Variants in FNDC3B observed in about 807,000 individuals in gnomAD.
FNDC3B encodes the protein fibronectin type III domain-containing protein 3B.
FNDC3B carries 12 observed loss-of-function variants against 151.5 expected under a neutral mutation model. That is an observed-to-expected ratio of 0.08 (90% CI 0.05 to 0.13). FNDC3B has a LOEUF of 0.13. Among genes scored for constraint, FNDC3B ranks in the 10% least tolerant of loss-of-function variants. The pLI, the probability that FNDC3B is intolerant of heterozygous loss-of-function variation, is 1.00. For synonymous variants in FNDC3B, 528 were observed against 549.0 expected (o/e 0.96, Z 0.54); for missense variants, 1,214 against 1,505.3 (o/e 0.81, Z 3.20).
chr3:172,109,069 C>T (rs1004391067), intron 1 of FNDC3B, among the ~76,000 whole-genome samples: 8 of 152,148 alleles, frequency 5.3e-5, no homozygotes, highest in African/African-American at 1.9e-4. Flanking sequence ...ATGTAGGCCC[C>T]ATCTAGCTGA....
chr3:172,075,565 T>C (rs948669183), intron 1 of FNDC3B, among the ~76,000 whole-genome samples: 1 of 152,074 alleles, frequency 6.6e-6, no homozygotes, highest in Non-Finnish European at 1.5e-5. Context: ...CCTTCAACTT[T>C]TAGAAGGAAT....
At chr3:172,212,106 T>A (rs973020562) in intron 3 of FNDC3B, among the ~76,000 whole-genome samples, 1 of 152,220 alleles carries the variant, frequency 6.6e-6, no homozygotes, top group Non-Finnish European at 1.5e-5. Context: ...ATTTTGTTGT[T>A]GCCATGGAAG....
chr3:172,360,587 C>G (rs1225936699), intron 22 of FNDC3B, among the ~76,000 whole-genome samples: 1 of 151,838 alleles, frequency 6.6e-6, no homozygotes, highest in East Asian at 1.9e-4. Context: ...ATCTGTGGTC[C>G]CTTTTGAGCA....
chr3:172,131,726 A>G (rs1225873084), intron 2 of FNDC3B, among the ~76,000 whole-genome samples: 1 of 152,258 alleles, frequency 6.6e-6, no homozygotes, highest in African/African-American at 2.4e-5. Flanking sequence ...AAATACATGG[A>G]TATTAAAGAT....
chr3:172,277,346 A>G (rs573863246), intron 6 of FNDC3B, among the ~76,000 whole-genome samples: 1 of 152,250 alleles, frequency 6.6e-6, no homozygotes, highest in Non-Finnish European at 1.5e-5. Flanking sequence ...GGGTGCCAGC[A>G]TATTTGGTGT....
At chr3:172,186,420 T>C (rs1456729836) in intron 3 of FNDC3B, among the ~76,000 whole-genome samples, 2 of 152,182 alleles carry the variant, frequency 1.3e-5, no homozygotes, top group Non-Finnish European at 2.9e-5. Context: ...TAAAGATTTA[T>C]GGTAGGACAC....
chr3:172,231,879 G>GTTTTTTTT (rs33956893), intron 4 of FNDC3B, among the ~76,000 whole-genome samples: 1 of 104,502 alleles, frequency 9.6e-6, no homozygotes, highest in Non-Finnish European at 1.8e-5. Context: ...TTTATTTACC[G>GTTTTTTTT]TTTTTTTTTT....
At chr3:172,313,944 G>A (rs56966312) in intron 11 of FNDC3B, among the ~76,000 whole-genome samples, 16,825 of 151,952 alleles carry the variant, frequency 0.11, 955 homozygotes, top group Middle Eastern at 0.19. Context: ...AGCTCACTTG[G>A]GTTGGTCTTT....
chr3:172,123,085 C>T (rs1465608207), intron 2 of FNDC3B, among the ~76,000 whole-genome samples: 2 of 152,244 alleles, frequency 1.3e-5, no homozygotes, highest in African/African-American at 4.8e-5. Flanking sequence ...GTTCCCCAGG[C>T]TGTAGTACAG....
At chr3:172,249,594 A>C (rs62281811) in intron 5 of FNDC3B, among the ~76,000 whole-genome samples, 20,935 of 152,196 alleles carry the variant, frequency 0.14, 1,607 homozygotes, top group African/African-American at 0.21. Context: ...GAGTTTTAAA[A>C]GTTTTCAACA....
intron 23 of FNDC3B, among the ~76,000 whole-genome samples, chr3:172,376,377 A>G (rs1735143311): frequency 6.6e-6 from 1 of 152,170 alleles, no homozygotes; most frequent in South Asian, 2.1e-4. Context: ...CTCTCCTTAG[A>G]TTGTGGCATG....
chr3:172,055,031 CTCTCT>C (rs1716845667), intron 1 of FNDC3B, among the ~76,000 whole-genome samples: 1 of 152,124 alleles, frequency 6.6e-6, no homozygotes, highest in Non-Finnish European at 1.5e-5. Flanking sequence ...ATTGCTTGGA[CTCTCT>C]TCTCTCTAAC....
intron 2 of FNDC3B, among the ~76,000 whole-genome samples, chr3:172,131,119 C>T (rs575134296): frequency 1.1e-4 from 16 of 152,120 alleles, no homozygotes; most frequent in South Asian, 1.0e-3. Flanking sequence ...ATATTTGGCC[C>T]GGCGCAGTGG....
intron 17 of FNDC3B, 29 bp from the exon 18 acceptor site, chr3:172,342,982 G>A: frequency 7.4e-7 from 1 of 1,349,884 alleles, no homozygotes; most frequent in South Asian, 1.2e-5. Context: ...GTAACTAAGA[G>A]ATGGTTCTCT....
At chr3:172,351,245 G>T (rs186366817) in intron 21 of FNDC3B, among the ~76,000 whole-genome samples, 1 of 152,330 alleles carries the variant, frequency 6.6e-6, no homozygotes, top group Admixed American at 6.5e-5. Context: ...CGCTGAACAG[G>T]TGGCACCTAC....
intron 11 of FNDC3B, among the ~76,000 whole-genome samples, chr3:172,311,145 G>A (rs1248186469): frequency 6.6e-6 from 1 of 152,192 alleles, no homozygotes; most frequent in African/African-American, 2.4e-5. Context: ...ATCTATTTTG[G>A]ATCTCCAGTG....
intron 10 of FNDC3B, among the ~76,000 whole-genome samples, chr3:172,309,721 C>T (rs1397954689): frequency 1.3e-5 from 2 of 152,142 alleles, no homozygotes; most frequent in African/African-American, 4.8e-5. Context: ...TATTACTAAC[C>T]ATAATAGAGC....
chr3:172,208,778 A>C (rs1725564332), intron 3 of FNDC3B, among the ~76,000 whole-genome samples: 1 of 152,084 alleles, frequency 6.6e-6, no homozygotes, highest in Middle Eastern at 3.4e-3. Context: ...AGGGTGCGCC[A>C]GTCACGGAGC....
intron 17 of FNDC3B, among the ~76,000 whole-genome samples, chr3:172,341,899 G>T (rs1474835806): frequency 3.3e-5 from 5 of 152,182 alleles, no homozygotes; most frequent in Non-Finnish European, 7.3e-5. Context: ...TATACATGGA[G>T]TACTCTAGAA....
Sources: gnomAD v4.1 joint callset for allele counts (sites outside exome capture counted in the v4.1 genomes callset) on GRCh38, gnomAD v4.1.1 for gene constraint, MANE v1.5 for transcripts, NCBI Gene and HGNC (gene_info 2026-07-23, HGNC 2026-07-21) for gene names.